The following AKT3 variants were observed in gnomAD, a reference collection of about 807,000 sequenced individuals.
AKT3 encodes RAC-gamma serine/threonine-protein kinase.
Under a neutral mutation model 65.3 loss-of-function variants are expected in AKT3, and 15 were observed. The observed-to-expected ratio is 0.23, with a 90% CI of 0.15 to 0.35. The LOEUF is 0.35. AKT3 is among the 10% of genes least tolerant of loss of function. The pLI is 1.00. For missense variants in AKT3, 243 were observed against 576.5 expected (o/e 0.42, Z 5.92); for synonymous variants, 206 against 183.8 (o/e 1.12, Z -0.98).
At chr1:243,655,893 C>A (rs1681743198) in intron 4 of AKT3, among the ~76,000 whole-genome samples, 1 of 152,130 alleles carries the variant, frequency 6.6e-6, no homozygotes, top group Non-Finnish European at 1.5e-5. Flanking sequence ...AAAGTAGGTT[C>A]ACTGTCTGGG....
At chr1:243,756,090 A>T (rs1253054431) in intron 2 of AKT3, among the ~76,000 whole-genome samples, 1 of 152,258 alleles carries the variant, frequency 6.6e-6, no homozygotes, top group East Asian at 1.9e-4. Flanking sequence ...TATAAAAAGG[A>T]TGAAGCTAGA....
At chr1:243,711,198 A>G (rs1213093343) in intron 2 of AKT3, among the ~76,000 whole-genome samples, 1 of 152,180 alleles carries the variant, frequency 6.6e-6, no homozygotes, top group Non-Finnish European at 1.5e-5. Flanking sequence ...ACGTGCCTGT[A>G]GTCCCAGCTA....
intron 2 of AKT3, among the ~76,000 whole-genome samples, chr1:243,747,808 A>G (rs141667596): frequency 6.6e-6 from 1 of 152,240 alleles, no homozygotes; most frequent in African/African-American, 2.4e-5. Context: ...AGTTCACTTA[A>G]GACATAGTAT....
intron 4 of AKT3, among the ~76,000 whole-genome samples, chr1:243,659,312 T>C (rs971125997): frequency 1.2e-4 from 19 of 152,206 alleles, no homozygotes; most frequent in African/African-American, 4.6e-4. Context: ...GGTTCAGTCA[T>C]GCCAGATGAA....
At chr1:243,498,839 A>C (rs1668739626), downstream of AKT3, among the ~76,000 whole-genome samples, 1 of 152,210 alleles carries the variant, frequency 6.6e-6, no homozygotes, top group African/African-American at 2.4e-5. Flanking sequence ...TTCCTAACTA[A>C]AGAAAGAGGG....
At chr1:243,811,198 A>T (rs1693122950) in intron 2 of AKT3, among the ~76,000 whole-genome samples, 2 of 152,178 alleles carry the variant, frequency 1.3e-5, no homozygotes, top group Non-Finnish European at 2.9e-5. Context: ...AGAAAGAAAT[A>T]AAGGGTATTC....
intron 2 of AKT3, among the ~76,000 whole-genome samples, chr1:243,740,981 G>T (rs1441197633): frequency 6.6e-6 from 1 of 152,082 alleles, no homozygotes; most frequent in East Asian, 1.9e-4. Context: ...CAGGGGAGGG[G>T]TCTCATCAAA....
At chr1:243,684,279 G>C (rs532695219) in intron 3 of AKT3, among the ~76,000 whole-genome samples, 5 of 151,900 alleles carry the variant, frequency 3.3e-5, no homozygotes, top group Non-Finnish European at 7.4e-5. Flanking sequence ...TCTACATTAG[G>C]TATTTCTCCT....
chr1:243,753,850 T>G (rs1558780371), intron 2 of AKT3, among the ~76,000 whole-genome samples: 1 of 152,192 alleles, frequency 6.6e-6, no homozygotes, highest in East Asian at 1.9e-4. Context: ...AGGGCTAGAA[T>G]CCCATCTTTT....
intron 2 of AKT3, among the ~76,000 whole-genome samples, chr1:243,831,981 T>C (rs994351525): frequency 6.6e-6 from 1 of 151,710 alleles, no homozygotes; most frequent in African/African-American, 2.4e-5. Context: ...GTCAGATGAA[T>C]GGATATAAGA....
At chr1:243,804,858 A>G (rs890642942) in intron 2 of AKT3, among the ~76,000 whole-genome samples, 1 of 151,796 alleles carries the variant, frequency 6.6e-6, no homozygotes, top group Non-Finnish European at 1.5e-5. Context: ...AAAAAAAAAA[A>G]CAAACAAAAA....
At chr1:243,798,016 G>C (rs1358817582) in intron 2 of AKT3, among the ~76,000 whole-genome samples, 1 of 150,792 alleles carries the variant, frequency 6.6e-6, no homozygotes, top group African/African-American at 2.4e-5. Flanking sequence ...CCAAGTAGCT[G>C]GGACTACAGG....
At chr1:243,636,847 T>G (rs1680011185) in intron 6 of AKT3, among the ~76,000 whole-genome samples, 1 of 152,102 alleles carries the variant, frequency 6.6e-6, no homozygotes, top group African/African-American at 2.4e-5. Flanking sequence ...GTAAAGGAGT[T>G]GAGGTCAAAA....
intron 2 of AKT3, among the ~76,000 whole-genome samples, chr1:243,705,253 T>G (rs1558738944): frequency 6.6e-6 from 1 of 152,270 alleles, no homozygotes; most frequent in East Asian, 1.9e-4. Flanking sequence ...CTGGGGTCCA[T>G]GTTTTGCTTT....
intron 13 of AKT3, among the ~76,000 whole-genome samples, chr1:243,494,231 T>C (rs1667260983): frequency 6.6e-6 from 1 of 152,214 alleles, no homozygotes; most frequent in African/African-American, 2.4e-5. Context: ...TTTTTTTGTT[T>C]TTATCCTGAT....
intron 2 of AKT3, among the ~76,000 whole-genome samples, chr1:243,780,054 AT>A (rs1315675119): frequency 6.6e-6 from 1 of 152,158 alleles, no homozygotes; most frequent in Non-Finnish European, 1.5e-5. Context: ...TTAATAATGT[AT>A]TCAAGTAAGA....
chr1:243,576,194 G>T (rs1460497469), intron 8 of AKT3, among the ~76,000 whole-genome samples: 3 of 152,050 alleles, frequency 2.0e-5, no homozygotes, highest in African/African-American at 4.8e-5. Context: ...ATCGCTTCAT[G>T]TTAAAAATTC....
downstream of AKT3, among the ~76,000 whole-genome samples, chr1:243,497,154 C>A (rs949170197): frequency 3.9e-5 from 6 of 152,134 alleles, no homozygotes; most frequent in African/African-American, 1.4e-4. Flanking sequence ...TCGTGGATAT[C>A]CCTAATGGCA....
At chr1:243,590,539 A>G (rs1676151043) in intron 8 of AKT3, among the ~76,000 whole-genome samples, 1 of 152,204 alleles carries the variant, frequency 6.6e-6, no homozygotes, top group Admixed American at 6.5e-5. Flanking sequence ...CCTAAAAATC[A>G]GAGATGATGG....
Sources: allele counts gnomAD v4.1 joint callset (sites outside exome capture counted in the v4.1 genomes callset), GRCh38; gene constraint gnomAD v4.1.1; transcripts MANE v1.5; gene names NCBI Gene and HGNC (gene_info 2026-07-23, HGNC 2026-07-21).